OPRM1: variants seen among roughly 807,000 people sequenced by gnomAD.
OPRM1 encodes the protein opioid receptor mu 1.
A neutral mutation model predicts 31.8 loss-of-function variants in OPRM1; 27 were observed. That is an observed-to-expected ratio of 0.85 (90% CI 0.63 to 1.17). The LOEUF is 1.17. Ranked by LOEUF, OPRM1 falls within the 50% of genes most tolerant of loss-of-function variation. The pLI is 0.00. For missense variants in OPRM1, 536 were observed against 511.1 expected, an observed-to-expected ratio of 1.05 and a Z score of -0.47; for synonymous variants, 196 against 189.9, an observed-to-expected ratio of 1.03 and a Z score of -0.26.
chr6:154,152,390 A>AAGAAAGAAAGAGAGAGAG (rs1360734115), intron 3 of OPRM1, among the ~76,000 whole-genome samples: 1 of 126,198 alleles, frequency 7.9e-6, no homozygotes, highest in African/African-American at 3.1e-5. Flanking sequence ...GAAAGAAAGA[A>AAGAAAGAAAGAGAGAGAG]AGAGAAATAG....
chr6:154,235,532 A>C (rs76300441), intron 3 of OPRM1, among the ~76,000 whole-genome samples: 1 of 28,132 alleles, frequency 3.6e-5, no homozygotes, highest in Non-Finnish European at 6.2e-5. Flanking sequence ...ACTCTGTCAC[A>C]AAAAAAAAAA....
At position 154,152,336 on chromosome 6, in the gene OPRM1, AAAG is replaced by A. The variant is rs796629738; in HGVS notation, c.1164+60867_1164+60869del. Among the ~76,000 whole-genome samples the A allele has an allele frequency of 7.5e-3, 95 of 12,620 alleles. 1 individual carries two copies. The highest frequency in any genetic ancestry group is 0.045 in the East Asian group (9 of 198). The allele number at this position is 12,620 out of a possible 152,430, so 8.3% of individuals were successfully genotyped here. A position where few individuals can be genotyped will look rare whatever the true frequency, so the allele number is the denominator to read the frequency against. ...GAAAGAAAGAAAGAAAGAAAGAAAG[AAAG>A]AAAGAAAGGAAAGAAAGAAAGAAAG... On this transcript the variant is annotated intron_variant, in intron 3 of 3. Coordinates refer to the OPRM1 transcript ENST00000337049.
At chr6:154,083,447 T>G (rs1789631894) in intron 1 of OPRM1, 1 of 152,232 alleles carries the variant, frequency 6.6e-6, no homozygotes, top group African/African-American at 2.4e-5. Flanking sequence ...AATGCAAAAA[T>G]AAAAATACAA....
intron 3 of OPRM1, among the ~76,000 whole-genome samples, chr6:154,112,255 C>CAAAG (rs1331006759): frequency 1.3e-5 from 2 of 152,200 alleles, no homozygotes; most frequent in East Asian, 3.9e-4. Flanking sequence ...TCCAAAACTG[C>CAAAG]AAAGGAGATA....
intron 3 of OPRM1, among the ~76,000 whole-genome samples, chr6:154,236,378 G>T (rs1027300460): frequency 2.0e-5 from 3 of 152,196 alleles, no homozygotes; most frequent in Non-Finnish European, 4.4e-5. Context: ...AATGGTGGTT[G>T]CCAGGGACTG....
rs1258400828 is a variant in OPRM1 at position 154,152,340 on chromosome 6, AAAGAAAGG to A, written c.1164+60871_1164+60878del. Among the ~76,000 whole-genome samples the A allele has an allele frequency of 9.2e-3, 90 of 9,782 alleles. 1 individual carries two copies. Among genetic ancestry groups the A allele is most frequent in the Admixed American group, 0.028 (22 of 776 alleles). The allele number at this position is 9,782 out of a possible 152,430, so 6.4% of individuals were successfully genotyped here. On this transcript the variant is annotated intron_variant, in intron 3 of 3. Coordinates refer to the OPRM1 transcript ENST00000337049. Reference sequence around the variant, plus strand: ...GAAAGAAAGAAAGAAAGAAAGAAAGAAAGAAAGGAAAGAAAGAAAGAAAGAAAGAAAGA... The same window carrying A: ...GAAAGAAAGAAAGAAAGAAAGAAAGAAAAGAAAGAAAGAAAGAAAGAAAGA...
At position 154,204,128 on chromosome 6, in the gene OPRM1, G is replaced by A. The variant is rs539194000; in HGVS notation, c.1165-42565G>A. ...ATCTTCGTTCTAGTTAAGAGACTAT[G>A]ATATGATTACATTAAAGATTAATAC... is the stretch of plus-strand genomic sequence containing the variant. On this transcript the variant is annotated intron_variant, in intron 3 of 3. Transcript: ENST00000337049. Among the ~76,000 whole-genome samples the A allele has an allele frequency of 2.6e-5, 4 of 152,292 alleles. No individual in the cohort carries two copies. In the South Asian group the frequency reaches 8.3e-4, roughly 32 times the overall value.
chr6:154,203,768 C>T (rs559850015), intron 3 of OPRM1, among the ~76,000 whole-genome samples: 1 of 152,242 alleles, frequency 6.6e-6, no homozygotes, highest in East Asian at 1.9e-4. Context: ...TTTTTTGCCT[C>T]TTGTTTGACA....
intron 3 of OPRM1, among the ~76,000 whole-genome samples, chr6:154,206,478 C>T (rs1777504481): frequency 6.6e-6 from 1 of 152,150 alleles, no homozygotes; most frequent in Non-Finnish European, 1.5e-5. Flanking sequence ...GTGCTAGGCA[C>T]AGTCATAAAT....
chr6:154,073,611 A>T (rs1056111821), intron 1 of OPRM1: 4 of 152,456 alleles, frequency 2.6e-5, no homozygotes, highest in African/African-American at 9.6e-5. Flanking sequence ...TTGAAGAGTG[A>T]CTGCACCAGG....
intron 3 of OPRM1, chr6:154,158,973 T>C (rs895307393): frequency 6.6e-6 from 1 of 152,192 alleles, no homozygotes; most frequent in African/African-American, 2.4e-5. Flanking sequence ...TTGTCAATAT[T>C]GATCCTGGGA....
At chr6:154,026,222 T>G (rs137896459) in intron 1 of OPRM1, among the ~76,000 whole-genome samples, 55 of 152,160 alleles carry the variant, frequency 3.6e-4, no homozygotes, top group Non-Finnish European at 6.0e-4. Context: ...GGGTAAATTT[T>G]TTTTTTTCTT....
intron 3 of OPRM1, among the ~76,000 whole-genome samples, chr6:154,116,299 T>C (rs556882038): frequency 6.6e-6 from 1 of 152,224 alleles, no homozygotes; most frequent in Non-Finnish European, 1.5e-5. Context: ...TAAGAAAATC[T>C]TCTTCAGTTG....
exon 1 of OPRM1, chr6:154,010,871 T>C (rs2128374135): frequency 7.6e-7 from 1 of 1,323,890 alleles, no homozygotes; most frequent in East Asian, 4.0e-5. Context: ...GGTTGCTACA[T>C]GCAATAAATG....
rs1393380625 is a variant in OPRM1, at chr6:154,091,288, G to A, written c.980G>A (p.Gly327Asp). The A allele has an allele frequency of 6.2e-7, 1 of 1,614,162 alleles. No homozygotes were observed. Among genetic ancestry groups the A allele is most frequent in the Admixed American group, 1.7e-5 (1 of 60,012 alleles). Reference protein sequence around the residue: ...TVSWHFCIALGYTNSCLNPVL... With the variant: ...TVSWHFCIALDYTNSCLNPVL... Reference sequence around the variant, plus strand: ...TCTTGGCACTTCTGCATTGCTCTAGGTTACACAAACAGCTGCCTCAACCCA... The same window carrying A: ...TCTTGGCACTTCTGCATTGCTCTAGATTACACAAACAGCTGCCTCAACCCA... The change falls in exon 3 of 4, where the codon GGT becomes GAT. Residue 327 changes from glycine to aspartate, a missense_variant. Gly to Asp is a moderately conservative substitution (Grantham distance 94, BLOSUM62 -1). Coordinates refer to ENST00000330432, the MANE Select transcript of OPRM1 (RefSeq NM_000914.5).
At chr6:154,152,132 G>A (rs571054158) in intron 3 of OPRM1, among the ~76,000 whole-genome samples, 6 of 143,078 alleles carry the variant, frequency 4.2e-5, no homozygotes, top group Admixed American at 1.4e-4. Flanking sequence ...AGCCAAGATC[G>A]CGCCACTGCA....
intron 3 of OPRM1, among the ~76,000 whole-genome samples, chr6:154,107,242 G>C (rs1486038940): frequency 6.6e-6 from 1 of 152,170 alleles, no homozygotes; most frequent in Non-Finnish European, 1.5e-5. Context: ...ACTGTTAAGA[G>C]TTTGAATGTC....
In OPRM1 at chr6:154,087,055, T is replaced by C. The variant is rs563681916; in HGVS notation, c.291-2771T>C. ...AAGTCCAAACTAAAAGCAAATTATT[T>C]TCTCTCCTCAAGTTAAATGGCTCTA... On this transcript the variant is annotated intron_variant, in intron 1 of 3. Coordinates refer to ENST00000330432, the MANE Select transcript of OPRM1 (RefSeq NM_000914.5). 38 of 984,048 alleles carry C rather than the reference T, an allele frequency of 3.9e-5. No homozygotes were observed. The African/African-American group carries it at 5.8e-4, about 15-fold the overall frequency. The allele number at this position is 984,048 out of a possible 1,614,324, so 61.0% of individuals were successfully genotyped here. A position where few individuals can be genotyped will look rare whatever the true frequency, so the allele number is the denominator to read the frequency against.
intron 1 of OPRM1, among the ~76,000 whole-genome samples, chr6:154,028,098 G>A (rs888564818): frequency 6.6e-6 from 1 of 152,136 alleles, no homozygotes; most frequent in Admixed American, 6.6e-5. Flanking sequence ...AGTCTCACTT[G>A]AAGCCATCAA....
Sources: allele counts gnomAD v4.1 joint callset (sites outside exome capture counted in the v4.1 genomes callset), GRCh38; gene constraint gnomAD v4.1.1; transcripts MANE v1.5; gene names NCBI Gene and HGNC (gene_info 2026-07-23, HGNC 2026-07-21).